Variants in ADIRF observed in about 807,000 individuals in gnomAD.
The protein encoded by ADIRF is adipogenesis factor rich in obesity.
A neutral mutation model predicts 7.8 loss-of-function variants in ADIRF; 9 were observed. The ratio of observed to expected loss-of-function variants is 1.15; its 90% CI spans 0.70 to 2.01. ADIRF has a LOEUF of 2.01. Ranked by LOEUF, ADIRF falls within the 30% of genes most tolerant of loss-of-function variation. The probability of loss-of-function intolerance (pLI) is 0.00; values close to 1 mark genes in which losing one functional copy is unlikely to be tolerated. For synonymous variants in ADIRF, 48 were observed against 39.9 expected (o/e 1.20, Z -0.77); for missense variants, 106 against 98.1 (o/e 1.08, Z -0.34).
At chr10:86,968,811 G>A in intron 1 of ADIRF, 1 of 561,104 alleles carries the variant, frequency 1.8e-6, no homozygotes. Flanking sequence ...CGGAACAGAG[G>A]CTCCGGAGGA....
At position 86,968,823 on chromosome 10, in the gene ADIRF, C is replaced by A. The variant is rs1026371169; in HGVS notation, c.61+218C>A. 3 of 536,234 alleles carry A rather than the reference C, an allele frequency of 5.6e-6. No individual in the cohort carries two copies. The African/African-American group carries it at 6.1e-5, about 11-fold the overall frequency. 33.2% of individuals were successfully genotyped at this position (536,234 alleles called of 1,614,324 possible). A position where few individuals can be genotyped will look rare whatever the true frequency, so the allele number is the denominator to read the frequency against. ...CAGCGGAACAGAGGCTCCGGAGGAG[C>A]CGGAGCTGCGCTGCGGGCACTGCGG... On this transcript the variant is annotated intron_variant, in intron 1 of 2. Coordinates refer to ENST00000372013, the MANE Select transcript of ADIRF (RefSeq NM_006829.3).
intron 1 of ADIRF, 104 bp from the exon 2 acceptor site, chr10:86,970,096 T>G: frequency 8.7e-7 from 1 of 1,152,574 alleles, no homozygotes; most frequent in Non-Finnish European, 1.2e-6. Flanking sequence ...CCCTTGGACC[T>G]GTACCACCGA....
intron 1 of ADIRF, chr10:86,968,943 C>T (rs1844526066): frequency 3.3e-6 from 1 of 301,156 alleles, no homozygotes. Context: ...CGCGGCCCGC[C>T]ACCACTTAAA....
At chr10:86,970,079 C>A in intron 1 of ADIRF, 121 bp from the exon 2 acceptor site, 1 of 942,982 alleles carries the variant, frequency 1.1e-6, no homozygotes, top group Non-Finnish European at 1.4e-6. Flanking sequence ...ATCTCCATGG[C>A]ATCCATCCCT....
intron 1 of ADIRF, chr10:86,969,238 G>T (rs551638331): frequency 1.3e-5 from 2 of 152,312 alleles, no homozygotes; most frequent in Non-Finnish European, 2.9e-5. Context: ...CCAGTCAGGA[G>T]ACAATATCCA....
rs1204934503 is a variant in ADIRF, at chr10:86,970,653, C to A, written c.*71C>A. 7.8e-7 allele frequency: 1 copy of A among 1,283,920 alleles called. No homozygotes were observed. The highest frequency in any genetic ancestry group is 2.0e-5 in the Admixed American group (1 of 50,988). The allele number at this position is 1,283,920 out of a possible 1,614,324, so 79.5% of individuals were successfully genotyped here. On this transcript the variant is annotated 3_prime_UTR_variant, in exon 3 of 3. Coordinates refer to ENST00000372013, the MANE Select transcript of ADIRF (RefSeq NM_006829.3). ...CTTGGGTGACCCCCCTTCCAGGCGC[C>A]ATCTAGCACAGCCTGGCCCTGATCT...
At chr10:86,968,844 T>G in intron 1 of ADIRF, 1 of 493,556 alleles carries the variant, frequency 2.0e-6, no homozygotes, top group Non-Finnish European at 3.5e-6. Flanking sequence ...CTGCGGGCAC[T>G]GCGGGAGCCC....
intron 1 of ADIRF, chr10:86,968,962 C>A: frequency 3.9e-6 from 1 of 257,458 alleles, no homozygotes; most frequent in South Asian, 7.9e-5. Context: ...AACCCGCGCG[C>A]GCCACCAGAG....
chr10:86,970,685 A>G lies in ADIRF; in HGVS notation c.*103A>G, dbSNP rs779901691. 4.2e-6 allele frequency: 4 copies of G among 955,334 alleles called. No individual in the cohort carries two copies. Among genetic ancestry groups the G allele is most frequent in the South Asian group, 2.8e-5 (2 of 71,828 alleles). The allele number at this position is 955,334 out of a possible 1,614,324, so 59.2% of individuals were successfully genotyped here. A position where few individuals can be genotyped will look rare whatever the true frequency, so the allele number is the denominator to read the frequency against. On this transcript the variant is annotated 3_prime_UTR_variant, in exon 3 of 3. Coordinates refer to ENST00000372013, the MANE Select transcript of ADIRF (RefSeq NM_006829.3). ...CACAGCCTGGCCCTGATCTCCGGGC[A>G]GCCACCACCTCCTCGGTCTGCCCCC...
chr10:86,969,905 GCC>G (rs1248300154), intron 1 of ADIRF: 7 of 251,370 alleles, frequency 2.8e-5, no homozygotes, highest in Non-Finnish European at 5.3e-5. Context: ...GCCCTGCCCT[GCC>G]TTCCTTCCTC....
At position 86,970,706 on chromosome 10, in the gene ADIRF, C is replaced by T. The variant is rs748458433; in HGVS notation, c.*124C>T. The T allele has an allele frequency of 2.4e-6, 2 of 824,718 alleles. No homozygotes were observed. Among genetic ancestry groups the T allele is most frequent in the South Asian group, 1.4e-5 (1 of 69,208 alleles). 51.1% of individuals were successfully genotyped at this position (824,718 alleles called of 1,614,324 possible). A position where few individuals can be genotyped will look rare whatever the true frequency, so the allele number is the denominator to read the frequency against. The stretch of plus-strand genomic sequence containing the variant: ...GGGCAGCCACCACCTCCTCGGTCTG[C>T]CCCCTCATTAAAATTCACGTTCCCA... On this transcript the variant is annotated 3_prime_UTR_variant, in exon 3 of 3. Transcript: ENST00000372013.
At chr10:86,968,688 C>A in intron 1 of ADIRF, 83 bp downstream of exon 1, 1 of 1,502,280 alleles carries the variant, frequency 6.7e-7, no homozygotes, top group Non-Finnish European at 9.0e-7. Flanking sequence ...GCGCGGTCCG[C>A]AAGTTCCTGG....
chr10:86,968,674 G>A, intron 1 of ADIRF, 69 bp downstream of exon 1: 3 of 1,544,776 alleles, frequency 1.9e-6, no homozygotes, highest in South Asian at 2.4e-5. Context: ...GAAGCAGCGG[G>A]TCGGCGCGGT....
At chr10:86,968,742 AG>A in intron 1 of ADIRF, 137 bp downstream of exon 1, 1 of 970,976 alleles carries the variant, frequency 1.0e-6, no homozygotes, top group Non-Finnish European at 1.5e-6. Flanking sequence ...ACTGAGACGC[AG>A]GGGGCAGGCA....
At chr10:86,970,295 C>G (rs1416916150) in intron 2 of ADIRF, 33 bp downstream of exon 2, 1 of 1,491,032 alleles carries the variant, frequency 6.7e-7, no homozygotes, top group African/African-American at 1.4e-5. Context: ...CGGGCAACCC[C>G]AGCACACCTC....
At chr10:86,970,307 C>T in intron 2 of ADIRF, 45 bp downstream of exon 2, 1 of 1,496,934 alleles carries the variant, frequency 6.7e-7, no homozygotes, top group South Asian at 1.3e-5. Flanking sequence ...GCACACCTCC[C>T]ACTCCCCGCC....
At chr10:86,969,929 T>G in intron 1 of ADIRF, 1 of 286,986 alleles carries the variant, frequency 3.5e-6, no homozygotes, top group Non-Finnish European at 6.5e-6. Flanking sequence ...GTCCAACATT[T>G]TCTCAGTAGC....
rs755395587 is a variant in ADIRF, at chr10:86,970,457, C to G, written c.125-19C>G. ...TCCCGGGCCCTGCCTGACCTGCCCT[C>G]TCTCCCGCCCTTCCCCAGCCATGGA... On this transcript the variant is annotated intron_variant, in intron 2 of 2. Coordinates refer to ENST00000372013, the MANE Select transcript of ADIRF (RefSeq NM_006829.3). The G allele has an allele frequency of 6.2e-7, 1 of 1,605,278 alleles. No homozygotes were observed. The highest frequency in any genetic ancestry group is 1.1e-5 in the South Asian group (1 of 89,804).
Position 86,968,487 on chromosome 10 carries a change from G to C in ADIRF, c.-58G>C, listed in dbSNP as rs1844508530. ...AGCTGGCGCTTGGCATCGCCACTCTGGGCAGGATCCAACGTCGCTCCAGCT... is the reference window on the plus strand; with the variant it reads ...AGCTGGCGCTTGGCATCGCCACTCTCGGCAGGATCCAACGTCGCTCCAGCT... On this transcript the variant is annotated 5_prime_UTR_variant, in exon 1 of 3. Transcript: ENST00000372013. 6.2e-7 allele frequency: 1 copy of C among 1,602,736 alleles called. No homozygotes were observed. The highest frequency in any genetic ancestry group is 8.5e-7 in the Non-Finnish European group (1 of 1,172,244).
Sources: gnomAD v4.1 joint callset for allele counts on GRCh38, gnomAD v4.1.1 for gene constraint, MANE v1.5 for transcripts, NCBI Gene and HGNC (gene_info 2026-07-23, HGNC 2026-07-21) for gene names.